Variants in CFAP20DC observed in about 807,000 individuals in gnomAD.
The protein encoded by CFAP20DC is CFAP20 domain containing.
Under a neutral mutation model 101.7 loss-of-function variants are expected in CFAP20DC, and 84 were observed. That is an observed-to-expected ratio of 0.83 (90% CI 0.69 to 0.99). The LOEUF (loss-of-function observed/expected upper bound fraction) is 0.99. Ranked by LOEUF, CFAP20DC falls within the 50% of genes least tolerant of loss-of-function variation. The probability of loss-of-function intolerance (pLI) is 0.00; values close to 1 mark genes in which losing one functional copy is unlikely to be tolerated. For synonymous variants in CFAP20DC, 359 were observed against 351.2 expected (o/e 1.02, Z -0.25); for missense variants, 1,007 against 970.3 (o/e 1.04, Z -0.50).
intron 4 of CFAP20DC, among the ~76,000 whole-genome samples, chr3:58,949,789 C>T (rs566061820): frequency 1.6e-4 from 25 of 152,272 alleles, no homozygotes; most frequent in Non-Finnish European, 3.1e-4. Flanking sequence ...TAAGAGCTAT[C>T]TATGACAAAC....
intron 16 of CFAP20DC, among the ~76,000 whole-genome samples, chr3:58,743,784 G>A (rs1164422504): frequency 6.6e-6 from 1 of 152,230 alleles, no homozygotes; most frequent in East Asian, 1.9e-4. Context: ...GCTGGTGCCT[G>A]AACATTGTCA....
chr3:58,761,862 A>G (rs987715993), intron 15 of CFAP20DC, among the ~76,000 whole-genome samples: 3 of 152,174 alleles, frequency 2.0e-5, no homozygotes, highest in African/African-American at 7.2e-5. Context: ...TGAGTTTCTT[A>G]ATCCTGAGTT....
chr3:58,824,880 C>T (rs1287462532), intron 14 of CFAP20DC, among the ~76,000 whole-genome samples: 3 of 151,198 alleles, frequency 2.0e-5, no homozygotes, highest in East Asian at 3.9e-4. Context: ...CCCACACTGG[C>T]CTTGAATTCC....
chr3:59,043,737 T>C (rs548271691), intron 3 of CFAP20DC, among the ~76,000 whole-genome samples: 7 of 152,250 alleles, frequency 4.6e-5, no homozygotes, highest in Admixed American at 1.3e-4. Flanking sequence ...ACAGAGCTGC[T>C]CCTCATATGG....
intron 4 of CFAP20DC, among the ~76,000 whole-genome samples, chr3:58,983,932 C>A (rs1435279242): frequency 1.3e-5 from 2 of 152,290 alleles, no homozygotes; most frequent in Non-Finnish European, 1.5e-5. Context: ...ATTTAAACCA[C>A]TTTGATATAT....
At chr3:58,938,405 G>C (rs1439728275) in intron 4 of CFAP20DC, among the ~76,000 whole-genome samples, 1 of 152,118 alleles carries the variant, frequency 6.6e-6, no homozygotes, top group East Asian at 1.9e-4. Flanking sequence ...AATTGATAGA[G>C]GCTCATTTTT....
At chr3:58,890,601 CCGGG>C (rs2082124727) in intron 6 of CFAP20DC, among the ~76,000 whole-genome samples, 1 of 150,972 alleles carries the variant, frequency 6.6e-6, no homozygotes, top group Admixed American at 6.6e-5. Flanking sequence ...GGGGTGGCTG[CCGGG>C]CGGAGACGCT....
chr3:59,008,899 C>G (rs994404718), intron 4 of CFAP20DC, among the ~76,000 whole-genome samples: 1 of 151,442 alleles, frequency 6.6e-6, no homozygotes, highest in East Asian at 1.9e-4. Context: ...AAACAGTAAA[C>G]AAATAAAGTG....
intron 14 of CFAP20DC, among the ~76,000 whole-genome samples, chr3:58,818,417 A>G (rs914525127): frequency 1.3e-5 from 2 of 150,206 alleles, no homozygotes; most frequent in Admixed American, 6.6e-5. Context: ...AGAGACACAG[A>G]TAGGCTCAAA....
At chr3:59,049,566 A>C (rs1485132478) in intron 1 of CFAP20DC, 45 bp downstream of exon 1, 2 of 1,516,426 alleles carry the variant, frequency 1.3e-6, no homozygotes, top group African/African-American at 1.4e-5. Context: ...TACCTCACCC[A>C]AGAGGAGAAA....
At chr3:58,746,841 T>C (rs2068238468) in intron 16 of CFAP20DC, among the ~76,000 whole-genome samples, 1 of 152,170 alleles carries the variant, frequency 6.6e-6, no homozygotes, top group Non-Finnish European at 1.5e-5. Context: ...TTTGTTTTCA[T>C]TGTAACTTAA....
chr3:58,733,366 C>CAAA (rs138192703), intron 3 of CFAP20DC, among the ~76,000 whole-genome samples: 4 of 148,758 alleles, frequency 2.7e-5, no homozygotes, highest in Non-Finnish European at 5.9e-5. Flanking sequence ...ATAAAAAAAA[C>CAAA]AAAAAAAAAC....
At chr3:59,031,611 AAAG>A (rs962213232) in intron 4 of CFAP20DC, among the ~76,000 whole-genome samples, 5 of 152,224 alleles carry the variant, frequency 3.3e-5, no homozygotes, top group African/African-American at 9.6e-5. Context: ...GCAGATGATG[AAAG>A]AAGATCTTAG....
rs1248875161 is a variant in CFAP20DC at position 58,874,855 on chromosome 3, G to T, written c.716-4546C>A. On this transcript the variant is annotated intron_variant, in intron 7 of 16. Coordinates refer to ENST00000482387, the MANE Select transcript of CFAP20DC (RefSeq NM_001394063.1). This position sits in a 1 kb window ranked among gnomAD's most constrained non-coding sequence, Gnocchi z 5.1. ...TGGCCTGCTTCTGTCACCCTGAACT[G>T]CCAGCACCTAGCCCAGTGCTTGACA... 6.6e-6 allele frequency among the ~76,000 whole-genome samples: 1 copy of T among 152,152 alleles called. No individual in the cohort carries two copies. Among genetic ancestry groups the T allele is most frequent in the Non-Finnish European group, 1.5e-5 (1 of 68,030 alleles).
chr3:58,974,831 A>G lies in CFAP20DC; in HGVS notation c.279-37069T>C, dbSNP rs116861295. Among the ~76,000 whole-genome samples, 280 of 152,172 alleles carry G rather than the reference A, an allele frequency of 1.8e-3. 7 individuals carry two copies. In the East Asian group the frequency reaches 0.033, roughly 18 times the overall value. ...CCCACTGCTACTGGGCCAGGTGAAT[A>G]TGTTATCCAGCCCGCCACCACTGGA... is the stretch of plus-strand genomic sequence containing the variant. On this transcript the variant is annotated intron_variant, in intron 4 of 16. Transcript: ENST00000482387.
intron 6 of CFAP20DC, among the ~76,000 whole-genome samples, chr3:58,895,334 G>A (rs565907452): frequency 1.7e-4 from 26 of 152,284 alleles, no homozygotes; most frequent in African/African-American, 5.5e-4. Flanking sequence ...GTCAACTCTT[G>A]AATGCTTTGC....
At chr3:58,734,924 A>G (rs1399067536) in intron 3 of CFAP20DC, among the ~76,000 whole-genome samples, 2 of 152,204 alleles carry the variant, frequency 1.3e-5, no homozygotes, top group East Asian at 3.8e-4. Flanking sequence ...GAAGAACGCT[A>G]CAGATAATGG....
intron 12 of CFAP20DC, among the ~76,000 whole-genome samples, chr3:58,851,511 G>A (rs2078229715): frequency 6.6e-6 from 1 of 152,136 alleles, no homozygotes; most frequent in Non-Finnish European, 1.5e-5. Context: ...GTGAAATGTA[G>A]TTGAGATTAG....
chr3:58,756,053 T>C lies in CFAP20DC; in HGVS notation c.2238-2190A>G, dbSNP rs537016452. Among the ~76,000 whole-genome samples, 8 of 152,316 alleles carry C rather than the reference T, an allele frequency of 5.3e-5. No individual in the cohort carries two copies. The South Asian group carries it at 6.2e-4, about 12-fold the overall frequency. ...TGCTCATTTGCTTACATTTTGTCTA[T>C]GGCTGCTTTTGTGCTACAATGGCAG... On this transcript the variant is annotated intron_variant, in intron 15 of 16. Coordinates refer to ENST00000482387, the MANE Select transcript of CFAP20DC (RefSeq NM_001394063.1).
Sources: allele counts gnomAD v4.1 joint callset (sites outside exome capture counted in the v4.1 genomes callset), GRCh38; gene constraint gnomAD v4.1.1; non-coding constraint Gnocchi (gnomAD v3.1); transcripts MANE v1.5; gene names NCBI Gene and HGNC (gene_info 2026-07-23, HGNC 2026-07-21).